BRD10: variants seen among roughly 807,000 people sequenced by gnomAD.
BRD10 encodes bromodomain containing 10.
At chr9:5,925,856 C>T in the BRD10 span, among the ~76,000 whole-genome samples, 1 of 152,114 alleles carries the variant, frequency 6.6e-6, no homozygotes, top group African/African-American at 2.4e-5. Flanking sequence ...TCTACCTTAT[C>T]CTCAACTTTT....
chr9:5,897,055 G>A, the BRD10 span, among the ~76,000 whole-genome samples: 16 of 152,288 alleles, frequency 1.1e-4, no homozygotes, highest in African/African-American at 3.4e-4. Context: ...CCTCTTCTGT[G>A]AAAATAGGGG....
At chr9:6,004,049 T>C in the BRD10 span, among the ~76,000 whole-genome samples, 6 of 152,206 alleles carry the variant, frequency 3.9e-5, no homozygotes, top group Non-Finnish European at 7.4e-5. Context: ...GCATTCGGAA[T>C]GCCCCAGTTA....
the BRD10 span, among the ~76,000 whole-genome samples, chr9:5,882,008 G>A: frequency 6.6e-6 from 1 of 152,216 alleles, no homozygotes; most frequent in East Asian, 1.9e-4. Context: ...GTAAGTGGTA[G>A]GATGAGAATA....
the BRD10 span, among the ~76,000 whole-genome samples, chr9:5,905,356 T>A: frequency 1.3e-5 from 2 of 152,152 alleles, no homozygotes; most frequent in African/African-American, 2.4e-5. Flanking sequence ...TTATACTCCC[T>A]CCCTTTTAGA....
the BRD10 span, among the ~76,000 whole-genome samples, chr9:5,930,015 G>A: frequency 1.1e-4 from 16 of 151,886 alleles, no homozygotes; most frequent in African/African-American, 3.9e-4. Flanking sequence ...CACCTCACCT[G>A]TATATATAAA....
the BRD10 span, among the ~76,000 whole-genome samples, chr9:5,960,397 A>C: frequency 1.3e-5 from 2 of 152,116 alleles, no homozygotes; most frequent in African/African-American, 4.8e-5. Context: ...TCTCATCTCT[A>C]CTAAAAATAC....
At chr9:5,975,819 A>C in the BRD10 span, among the ~76,000 whole-genome samples, 1 of 152,194 alleles carries the variant, frequency 6.6e-6, no homozygotes. Context: ...TATGAATAAA[A>C]AATACATTAT....
chr9:5,892,330 C>A, the BRD10 span: 1 of 553,752 alleles, frequency 1.8e-6, no homozygotes, highest in Admixed American at 3.9e-5. Flanking sequence ...CAGAGAGAAA[C>A]CAAAGGGTCC....
chr9:5,895,839 CT>C, the BRD10 span, among the ~76,000 whole-genome samples: 2 of 152,230 alleles, frequency 1.3e-5, no homozygotes, highest in African/African-American at 4.8e-5. Flanking sequence ...TACCCTGGTG[CT>C]TTTCGCTCTC....
chr9:5,956,775 T>G, the BRD10 span, among the ~76,000 whole-genome samples: 1 of 152,180 alleles, frequency 6.6e-6, no homozygotes. Context: ...AATCAATGAA[T>G]GTAATACTTA....
the BRD10 span, among the ~76,000 whole-genome samples, chr9:5,897,159 G>C: frequency 6.6e-6 from 1 of 152,218 alleles, no homozygotes; most frequent in Non-Finnish European, 1.5e-5. Context: ...AGATGAGTCA[G>C]TGTTAATTTC....
the BRD10 span, among the ~76,000 whole-genome samples, chr9:5,915,522 A>C: frequency 1 from 151,678 of 152,320 alleles, 75,519 homozygotes; most frequent in East Asian, 1. Flanking sequence ...ACCTATTTTT[A>C]TAATCATTCC....
the BRD10 span, among the ~76,000 whole-genome samples, chr9:6,000,979 T>A: frequency 2.0e-5 from 3 of 152,208 alleles, no homozygotes; most frequent in African/African-American, 7.2e-5. Flanking sequence ...CTTGTCACTA[T>A]GCTGGACTCC....
At chr9:5,949,594 C>T in the BRD10 span, among the ~76,000 whole-genome samples, 3 of 152,186 alleles carry the variant, frequency 2.0e-5, no homozygotes, top group East Asian at 1.9e-4. Flanking sequence ...TGCAAAGCAG[C>T]CTTTAAAATC....
At chr9:5,906,835 G>T in the BRD10 span, 4 of 1,217,778 alleles carry the variant, frequency 3.3e-6, no homozygotes, top group South Asian at 1.6e-5. Flanking sequence ...TTCTTTAATG[G>T]ATTCAGTTAC....
At chr9:5,967,505 T>C in the BRD10 span, among the ~76,000 whole-genome samples, 2 of 152,090 alleles carry the variant, frequency 1.3e-5, no homozygotes, top group Admixed American at 6.5e-5. Flanking sequence ...ATATTCCACA[T>C]ATTTTCTTGA....
At chr9:5,882,598 A>G in the BRD10 span, among the ~76,000 whole-genome samples, 4 of 152,222 alleles carry the variant, frequency 2.6e-5, no homozygotes, top group Admixed American at 2.6e-4. Flanking sequence ...CTGCCTGTCC[A>G]GTCTCACACT....
the BRD10 span, among the ~76,000 whole-genome samples, chr9:5,996,864 A>C: frequency 6.6e-6 from 1 of 152,182 alleles, no homozygotes. Context: ...TTCTCAATGC[A>C]GGCAGAACAG....
the BRD10 span, among the ~76,000 whole-genome samples, chr9:5,980,693 A>G: frequency 6.6e-6 from 1 of 152,092 alleles, no homozygotes; most frequent in African/African-American, 2.4e-5. Flanking sequence ...AGAGAGAGAG[A>G]GAGTAAAAAT....
Sources: allele counts gnomAD v4.1 joint callset (sites outside exome capture counted in the v4.1 genomes callset), GRCh38; gene constraint gnomAD v4.1.1; transcripts MANE v1.5; gene names NCBI Gene and HGNC (gene_info 2026-07-23, HGNC 2026-07-21).